MAP3K20: variants seen among roughly 807,000 people sequenced by gnomAD.
MAP3K20 encodes the protein mitogen-activated protein kinase kinase kinase 20.
MAP3K20 carries 40 observed loss-of-function variants against 85.7 expected under a neutral mutation model. The ratio of observed to expected loss-of-function variants is 0.47; its 90% CI spans 0.36 to 0.61. The LOEUF is 0.61. Ranked by LOEUF, MAP3K20 falls within the 20% of genes least tolerant of loss-of-function variation. The pLI is 0.00. For missense variants in MAP3K20, 817 were observed against 961.7 expected (o/e 0.85, Z 1.99); for synonymous variants, 325 against 327.7 (o/e 0.99, Z 0.09).
intron 16 of MAP3K20, among the ~76,000 whole-genome samples, chr2:173,255,711 T>A (rs192889979): frequency 1.3e-5 from 2 of 152,298 alleles, no homozygotes; most frequent in African/African-American, 4.8e-5. Flanking sequence ...GCAGGGGAAG[T>A]TCAGGCGTTT....
rs114787134 is a variant in MAP3K20, at chr2:173,107,454, C to T, written c.159+16264C>T. Among the ~76,000 whole-genome samples, 996 of 152,178 alleles carry T rather than the reference C, an allele frequency of 6.5e-3. 9 individuals carry two copies. The highest frequency in any genetic ancestry group is 0.022 in the African/African-American group (920 of 41,506). ...TTGGCATGAGAGGTGAGGGGGCAGC[C>T]GGAGCCGGTTGTCTTGTGCTGACCT... is the stretch of plus-strand genomic sequence containing the variant. On this transcript the variant is annotated intron_variant, in intron 2 of 19. Transcript: ENST00000375213.
At chr2:173,079,465 A>T (rs1686954660) in intron 1 of MAP3K20, among the ~76,000 whole-genome samples, 1 of 152,120 alleles carries the variant, frequency 6.6e-6, no homozygotes, top group Non-Finnish European at 1.5e-5. Context: ...ATTTATTTAA[A>T]CATTTTTCTT....
intron 11 of MAP3K20, among the ~76,000 whole-genome samples, 200 bp from the exon 12 acceptor site, chr2:173,229,489 C>G (rs915152856): frequency 6.6e-6 from 1 of 152,086 alleles, no homozygotes; most frequent in African/African-American, 2.4e-5. Context: ...TGAATTGTTA[C>G]TGAGAGATTG....
chr2:173,211,685 G>C (rs1683898883), intron 10 of MAP3K20: 5 of 152,472 alleles, frequency 3.3e-5, no homozygotes, highest in Admixed American at 2.0e-4. Context: ...GGGAGGCCAA[G>C]TCAGGTGGAT....
intron 5 of MAP3K20, among the ~76,000 whole-genome samples, chr2:173,189,183 T>C (rs527296540): frequency 2.6e-5 from 4 of 152,332 alleles, no homozygotes; most frequent in Admixed American, 1.3e-4. Flanking sequence ...GCAGTTTTTC[T>C]AGTGAGCACT....
intron 16 of MAP3K20, among the ~76,000 whole-genome samples, chr2:173,252,229 C>T (rs1217333248): frequency 6.6e-6 from 1 of 152,184 alleles, no homozygotes; most frequent in Non-Finnish European, 1.5e-5. Context: ...ATTTAAACAG[C>T]TTGCAGAGAG....
intron 16 of MAP3K20, among the ~76,000 whole-genome samples, chr2:173,253,564 C>A (rs951268235): frequency 2.0e-5 from 3 of 152,088 alleles, no homozygotes; most frequent in Non-Finnish European, 4.4e-5. Flanking sequence ...ATCATCAACA[C>A]CTTAATAAGA....
At chr2:173,136,517 G>A (rs143901200) in intron 2 of MAP3K20, among the ~76,000 whole-genome samples, 12 of 152,316 alleles carry the variant, frequency 7.9e-5, no homozygotes, top group South Asian at 2.1e-4. Context: ...GAAGCAGAGG[G>A]TGAGAAAGAA....
At chr2:173,140,351 C>G (rs1403033724) in intron 2 of MAP3K20, among the ~76,000 whole-genome samples, 1 of 149,654 alleles carries the variant, frequency 6.7e-6, no homozygotes, top group Non-Finnish European at 1.5e-5. Context: ...GAGTAACTTT[C>G]CAGATTTTTT....
Position 173,075,945 on chromosome 2 carries a change from C to T in MAP3K20, c.-92C>T. 1.0e-6 allele frequency: 1 copy of T among 985,158 alleles called. No homozygotes were observed. Among genetic ancestry groups the T allele is most frequent in the Non-Finnish European group, 1.2e-6 (1 of 829,912 alleles). The allele number at this position is 985,158 out of a possible 1,614,324, so 61.0% of individuals were successfully genotyped here. A position where few individuals can be genotyped will look rare whatever the true frequency, so the allele number is the denominator to read the frequency against. On this transcript the variant is annotated 5_prime_UTR_variant, in exon 1 of 20. Coordinates refer to ENST00000375213, the MANE Select transcript of MAP3K20 (RefSeq NM_016653.3). Reference sequence around the variant, plus strand: ...CTGTCGTCCCAACCCCCGCCGCCCTCGTCGCGCGCGGGGCCTCCGCGCCCC... The same window carrying T: ...CTGTCGTCCCAACCCCCGCCGCCCTTGTCGCGCGCGGGGCCTCCGCGCCCC...
intron 3 of MAP3K20, among the ~76,000 whole-genome samples, chr2:173,173,826 T>C (rs1041574516): frequency 6.6e-6 from 1 of 152,248 alleles, no homozygotes; most frequent in African/African-American, 2.4e-5. Flanking sequence ...ACTGATACTA[T>C]GTTTACATTT....
intron 2 of MAP3K20, among the ~76,000 whole-genome samples, chr2:173,134,417 TATATA>T (rs1348833882): frequency 1.2e-3 from 24 of 19,938 alleles, no homozygotes; most frequent in African/African-American, 3.6e-3. Context: ...TATATATATA[TATATA>T]TATATATTTT....
At chr2:173,218,501 G>T (rs777835187) in intron 11 of MAP3K20, among the ~76,000 whole-genome samples, 3 of 152,190 alleles carry the variant, frequency 2.0e-5, no homozygotes, top group African/African-American at 7.2e-5. Flanking sequence ...GAAGTTTCCT[G>T]TTCTGGCTGA....
chr2:173,124,394 T>TCCA, intron 2 of MAP3K20, among the ~76,000 whole-genome samples: 2 of 152,150 alleles, frequency 1.3e-5, no homozygotes, highest in East Asian at 3.9e-4. Flanking sequence ...AAGGAGCAGA[T>TCCA]TGGAAGAGGG....
At chr2:173,109,454 ATG>A (rs1381592927) in intron 2 of MAP3K20, among the ~76,000 whole-genome samples, 2 of 151,540 alleles carry the variant, frequency 1.3e-5, no homozygotes, top group East Asian at 3.9e-4. Context: ...TATTTGAAAT[ATG>A]TCTTTCCGTT....
At chr2:173,146,452 TTAAG>T (rs1559251777) in intron 2 of MAP3K20, among the ~76,000 whole-genome samples, 1 of 152,170 alleles carries the variant, frequency 6.6e-6, no homozygotes, top group Non-Finnish European at 1.5e-5. Context: ...ACATGTACAA[TTAAG>T]TGTTTTATAA....
At chr2:173,127,277 A>G (rs976821550) in intron 2 of MAP3K20, among the ~76,000 whole-genome samples, 3 of 152,252 alleles carry the variant, frequency 2.0e-5, no homozygotes, top group African/African-American at 7.2e-5. Context: ...TTCTGTGAAT[A>G]TTTAAATAAT....
At chr2:173,209,948 T>C (rs771013789) in intron 10 of MAP3K20, 113 bp downstream of exon 10, 1 of 963,666 alleles carries the variant, frequency 1.0e-6, no homozygotes, top group Non-Finnish European at 1.6e-6. Context: ...GACCATAGCT[T>C]AGGGAAAAAG....
At chr2:173,130,250 A>G (rs956734368) in intron 2 of MAP3K20, among the ~76,000 whole-genome samples, 10 of 152,224 alleles carry the variant, frequency 6.6e-5, no homozygotes, top group East Asian at 1.9e-4. Flanking sequence ...TTTTCATTCA[A>G]TGAAAATTAA....
Sources: allele counts gnomAD v4.1 joint callset (sites outside exome capture counted in the v4.1 genomes callset), GRCh38; gene constraint gnomAD v4.1.1; transcripts MANE v1.5; gene names NCBI Gene and HGNC (gene_info 2026-07-23, HGNC 2026-07-21).